Variants in REPS2 observed in about 807,000 individuals in gnomAD.
The protein encoded by REPS2 is ralBP1-associated Eps domain-containing protein 2.
REPS2 carries 23 observed loss-of-function variants against 53.6 expected under a neutral mutation model. The ratio of observed to expected loss-of-function variants is 0.43; its 90% CI spans 0.31 to 0.61. REPS2 has a LOEUF of 0.61. Ranked by LOEUF, REPS2 falls within the 20% of genes least tolerant of loss-of-function variation. The pLI, the probability that REPS2 is intolerant of heterozygous loss-of-function variation, is 0.11. For synonymous variants in REPS2, 238 were observed against 218.6 expected (o/e 1.09, Z -0.78); for missense variants, 446 against 534.9 (o/e 0.83, Z 1.64).
At position 17,093,190 on chromosome X, in the gene REPS2, ATATATATATAAT is replaced by A. The variant is rs1569171951; in HGVS notation, c.1517-10526_1517-10515del. 3.7e-3 allele frequency among the ~76,000 whole-genome samples: 51 copies of A among 13,886 alleles called. 5 individuals carry two copies. In the South Asian group the frequency reaches 0.042, roughly 11 times the overall value. The allele number at this position is 13,886 out of a possible 115,157, so 12.1% of individuals were successfully genotyped here. ...GCTATATATATATATATATATATAT[ATATATATATAAT>A]TTTTTTTTTGGAAAGAGTGGCAACT... On this transcript the variant is annotated intron_variant, in intron 13 of 17. Transcript: ENST00000357277.
intron 1 of REPS2, among the ~76,000 whole-genome samples, chrX:16,999,137 A>G (rs183271929): frequency 5.3e-5 from 6 of 112,281 alleles, no homozygotes; most frequent in Non-Finnish European, 9.4e-5. Context: ...AATTGATTAA[A>G]CTAATATCTT....
chrX:17,047,949 T>A (rs1469052678), intron 6 of REPS2, among the ~76,000 whole-genome samples: 2 of 112,657 alleles, frequency 1.8e-5, no homozygotes, highest in Non-Finnish European at 3.7e-5. Flanking sequence ...GAAATTAAAA[T>A]GGGGGAGGAA....
At chrX:16,994,394 T>C (rs926301069) in intron 1 of REPS2, among the ~76,000 whole-genome samples, 1 of 110,712 alleles carries the variant, frequency 9.0e-6, no homozygotes, top group Non-Finnish European at 1.9e-5. Context: ...CACACGTACA[T>C]ATATATACAC....
chrX:17,172,292 G>A, the REPS2 span, among the ~76,000 whole-genome samples: 1 of 111,516 alleles, frequency 9.0e-6, no homozygotes, highest in Non-Finnish European at 1.9e-5. Context: ...TCCCAGTGTT[G>A]AGGGAGGGAC....
intron 2 of REPS2, among the ~76,000 whole-genome samples, chrX:17,013,887 C>T (rs1959011766): frequency 1.8e-5 from 2 of 110,943 alleles, no homozygotes; most frequent in Non-Finnish European, 3.8e-5. Context: ...ACTGACTGTA[C>T]GGCTGGACAT....
At chrX:17,080,087 C>A (rs369554382) in intron 13 of REPS2, among the ~76,000 whole-genome samples, 1 of 111,319 alleles carries the variant, frequency 9.0e-6, no homozygotes, top group African/African-American at 3.3e-5. Context: ...TGTTCTGTAT[C>A]CTGATCTTTC....
chrX:16,966,437 A>C (rs1436333356), intron 1 of REPS2, among the ~76,000 whole-genome samples: 1 of 112,213 alleles, frequency 8.9e-6, no homozygotes, highest in Non-Finnish European at 1.9e-5. Context: ...GCGTTTACAT[A>C]ATGAGATCTC....
intron 6 of REPS2, among the ~76,000 whole-genome samples, chrX:17,050,879 A>G (rs2061993133): frequency 9.0e-6 from 1 of 111,556 alleles, no homozygotes; most frequent in African/African-American, 3.3e-5. Flanking sequence ...TCTTTAAGTT[A>G]TTTAAAATAT....
chrX:16,951,067 G>A (rs181111199), intron 1 of REPS2, among the ~76,000 whole-genome samples: 7 of 111,798 alleles, frequency 6.3e-5, no homozygotes, highest in Non-Finnish European at 1.1e-4. Context: ...AAATAAGCCT[G>A]TCAAACCCAA....
chrX:17,191,930 T>C, the REPS2 span, among the ~76,000 whole-genome samples: 3 of 112,406 alleles, frequency 2.7e-5, no homozygotes, highest in Non-Finnish European at 5.6e-5. Context: ...TTTGGTGTGA[T>C]AGAACTGCGT....
At chrX:17,046,162 T>A (rs1033901227) in intron 5 of REPS2, among the ~76,000 whole-genome samples, 6 of 107,117 alleles carry the variant, frequency 5.6e-5, no homozygotes, top group Admixed American at 1.0e-4. Flanking sequence ...TTTATTTATT[T>A]TTTTTTTTTT....
At chrX:17,085,835 C>A (rs1307777525) in intron 13 of REPS2, among the ~76,000 whole-genome samples, 2 of 111,757 alleles carry the variant, frequency 1.8e-5, no homozygotes, top group Admixed American at 9.5e-5. Flanking sequence ...CTTTGTATAT[C>A]TCTCTAAGAG....
chrX:17,059,895 G>C (rs775962412), intron 8 of REPS2, among the ~76,000 whole-genome samples: 16 of 59,443 alleles, frequency 2.7e-4, no homozygotes, highest in Non-Finnish European at 4.3e-4. Context: ...TGGCTTACCC[G>C]CTAGCCTTTT....
chrX:16,947,543 G>A (rs1385901546), intron 1 of REPS2, among the ~76,000 whole-genome samples: 1 of 111,946 alleles, frequency 8.9e-6, no homozygotes, highest in Non-Finnish European at 1.9e-5. Context: ...AGGGTGCCTT[G>A]CTGGGATTTC....
At chrX:17,130,999 G>T (rs1385507354) in intron 14 of REPS2, among the ~76,000 whole-genome samples, 3 of 112,185 alleles carry the variant, frequency 2.7e-5, no homozygotes, top group African/African-American at 9.7e-5. Flanking sequence ...CAACAATATA[G>T]TTATCGTTAA....
At chrX:16,992,251 A>G (rs745995910) in intron 1 of REPS2, among the ~76,000 whole-genome samples, 1 of 111,182 alleles carries the variant, frequency 9.0e-6, no homozygotes, top group East Asian at 2.8e-4. Context: ...GTGAGGATAC[A>G]GCAAGAAAGT....
chrX:17,045,277 T>C (rs1465747331), intron 5 of REPS2, among the ~76,000 whole-genome samples: 1 of 110,339 alleles, frequency 9.1e-6, no homozygotes, highest in African/African-American at 3.3e-5. Context: ...AAAATTCAGA[T>C]AGATGCAACC....
chrX:17,046,532 T>C, intron 5 of REPS2, among the ~76,000 whole-genome samples: 1 of 111,772 alleles, frequency 8.9e-6, no homozygotes, highest in Non-Finnish European at 1.9e-5. Context: ...CCTTGGCAAG[T>C]ACCTCTTTAG....
At chrX:17,103,000 C>T (rs2062828462) in intron 13 of REPS2, among the ~76,000 whole-genome samples, 1 of 112,196 alleles carries the variant, frequency 8.9e-6, no homozygotes, top group South Asian at 3.7e-4. Context: ...ATTTTCATTG[C>T]TAAGGTACAA....
Sources: allele counts gnomAD v4.1 joint callset (sites outside exome capture counted in the v4.1 genomes callset), GRCh38; gene constraint gnomAD v4.1.1; transcripts MANE v1.5; gene names NCBI Gene and HGNC (gene_info 2026-07-23, HGNC 2026-07-21).